The following MGAT4C variants were observed in gnomAD, a reference collection of about 807,000 sequenced individuals.
The protein encoded by MGAT4C is MGAT4 family member C, also known as alpha-1,3-mannosyl-glycoprotein 4-beta-N-acetylglucosaminyltransferase C.
A neutral mutation model predicts 40.1 loss-of-function variants in MGAT4C; 19 were observed. That is an observed-to-expected ratio of 0.47 (90% CI 0.33 to 0.70). The LOEUF is 0.70. Ranked by LOEUF, MGAT4C falls within the 30% of genes least tolerant of loss-of-function variation. MGAT4C has a pLI of 0.02. For synonymous variants in MGAT4C, 181 were observed against 187.1 expected, an observed-to-expected ratio of 0.97 and a Z score of 0.27; for missense variants, 491 against 563.2, an observed-to-expected ratio of 0.87 and a Z score of 1.30.
chr12:86,361,930 ATT>A (rs1161425643), intron 3 of MGAT4C, among the ~76,000 whole-genome samples: 2 of 152,350 alleles, frequency 1.3e-5, no homozygotes, highest in Non-Finnish European at 2.9e-5. Context: ...CAGTGTGGCA[ATT>A]CCTCAAGGAT....
intron 4 of MGAT4C, among the ~76,000 whole-genome samples, chr12:86,331,665 T>A (rs1021760726): frequency 1.1e-4 from 16 of 152,198 alleles, no homozygotes; most frequent in Non-Finnish European, 2.9e-5. Flanking sequence ...GATCATAACC[T>A]GATCGTCTCC....
intron 4 of MGAT4C, among the ~76,000 whole-genome samples, chr12:86,264,849 C>A (rs1952746349): frequency 6.6e-6 from 1 of 152,188 alleles, no homozygotes; most frequent in African/African-American, 2.4e-5. Flanking sequence ...TGTCACAAAC[C>A]CAGTCGGCTG....
chr12:86,565,021 T>C (rs897133496), intron 2 of MGAT4C, among the ~76,000 whole-genome samples: 11 of 152,172 alleles, frequency 7.2e-5, no homozygotes, highest in Admixed American at 1.3e-4. Flanking sequence ...TCCTACTATC[T>C]TCTGCAGATA....
chr12:86,266,638 G>A (rs1412320207), intron 4 of MGAT4C, among the ~76,000 whole-genome samples: 1 of 152,088 alleles, frequency 6.6e-6, no homozygotes, highest in Non-Finnish European at 1.5e-5. Flanking sequence ...GTATCAAGGT[G>A]ATAATGGCCT....
At chr12:86,492,890 C>G (rs563678929) in intron 2 of MGAT4C, among the ~76,000 whole-genome samples, 1 of 152,184 alleles carries the variant, frequency 6.6e-6, no homozygotes, top group South Asian at 2.1e-4. Context: ...ATTTTGCAAC[C>G]TACTCATCTG....
intron 1 of MGAT4C, among the ~76,000 whole-genome samples, chr12:86,193,589 A>C (rs1304916456): frequency 6.6e-6 from 1 of 151,916 alleles, no homozygotes; most frequent in Non-Finnish European, 1.5e-5. Flanking sequence ...TTTTGATATA[A>C]ATTTTTATTT....
intron 1 of MGAT4C, among the ~76,000 whole-genome samples, chr12:86,828,188 G>C (rs1048207593): frequency 5.3e-5 from 8 of 150,782 alleles, no homozygotes. Flanking sequence ...GTAGATTTTT[G>C]TCTATAATAG....
At chr12:86,289,057 A>T (rs1953432461) in intron 4 of MGAT4C, among the ~76,000 whole-genome samples, 1 of 152,142 alleles carries the variant, frequency 6.6e-6, no homozygotes, top group Non-Finnish European at 1.5e-5. Flanking sequence ...TTTGTATTGA[A>T]ATCATTAATC....
intron 1 of MGAT4C, among the ~76,000 whole-genome samples, chr12:86,821,317 T>G (rs968309518): frequency 1.3e-5 from 2 of 150,836 alleles, no homozygotes; most frequent in African/African-American, 4.8e-5. Flanking sequence ...ATGAAAAAAA[T>G]AGACAAAATA....
intron 2 of MGAT4C, among the ~76,000 whole-genome samples, chr12:86,585,745 T>TC (rs1960998081): frequency 6.7e-6 from 1 of 149,334 alleles, no homozygotes; most frequent in Non-Finnish European, 1.5e-5. Flanking sequence ...ATTTTTTTTT[T>TC]AATTTTTCTT....
chr12:86,397,455 A>C (rs528190113), intron 3 of MGAT4C, among the ~76,000 whole-genome samples: 1 of 151,854 alleles, frequency 6.6e-6, no homozygotes, highest in Admixed American at 6.6e-5. Flanking sequence ...CACCTTTCTT[A>C]GATTTTTCTT....
intron 2 of MGAT4C, among the ~76,000 whole-genome samples, chr12:86,009,811 GCTTT>G (rs1249468237): frequency 1.3e-5 from 2 of 151,996 alleles, no homozygotes; most frequent in Non-Finnish European, 2.9e-5. Flanking sequence ...TTATTGTCTT[GCTTT>G]CTATCTTACT....
At chr12:86,138,442 T>C (rs1408093254) in intron 1 of MGAT4C, among the ~76,000 whole-genome samples, 1 of 148,778 alleles carries the variant, frequency 6.7e-6, no homozygotes, top group Non-Finnish European at 1.5e-5. Context: ...TCAACAAACA[T>C]TGTATATAAC....
intron 4 of MGAT4C, among the ~76,000 whole-genome samples, 179 bp downstream of exon 4, chr12:85,983,344 A>T (rs1415694692): frequency 6.6e-6 from 1 of 152,156 alleles, no homozygotes; most frequent in Admixed American, 6.5e-5. Flanking sequence ...TTTGTTATTA[A>T]GTGTACTGGG....
chr12:86,518,297 G>C (rs1958732708), intron 2 of MGAT4C, among the ~76,000 whole-genome samples: 1 of 152,070 alleles, frequency 6.6e-6, no homozygotes. Context: ...TCACAGCCTA[G>C]GATTCTGTAT....
intron 2 of MGAT4C, among the ~76,000 whole-genome samples, chr12:86,491,972 A>G (rs199607141): frequency 0.01 from 1,546 of 152,232 alleles, 19 homozygotes; most frequent in East Asian, 0.045. Flanking sequence ...ATCAATGTAC[A>G]AAAATCACAA....
At chr12:86,310,720 G>A (rs780301743) in intron 4 of MGAT4C, among the ~76,000 whole-genome samples, 14 of 151,960 alleles carry the variant, frequency 9.2e-5, no homozygotes, top group African/African-American at 2.4e-4. Context: ...TCAGGAGTTC[G>A]AAACCAGCCT....
At chr12:86,316,482 T>C (rs1329494175) in intron 4 of MGAT4C, among the ~76,000 whole-genome samples, 1 of 151,904 alleles carries the variant, frequency 6.6e-6, no homozygotes, top group Admixed American at 6.6e-5. Flanking sequence ...CCATCAACAG[T>C]GAACTGAATA....
intron 2 of MGAT4C, among the ~76,000 whole-genome samples, chr12:86,039,867 C>T (rs11532389): frequency 6.6e-6 from 1 of 152,000 alleles, no homozygotes; most frequent in East Asian, 1.9e-4. Context: ...GATTTATCTA[C>T]CTTTGATCTT....
Sources: allele counts gnomAD v4.1 joint callset (sites outside exome capture counted in the v4.1 genomes callset), GRCh38; gene constraint gnomAD v4.1.1; transcripts MANE v1.5; gene names NCBI Gene and HGNC (gene_info 2026-07-23, HGNC 2026-07-21).